The following C12orf42 variants were observed in gnomAD, a reference collection of about 807,000 sequenced individuals.
C12orf42 encodes chromosome 12 open reading frame 42, also known as uncharacterized protein C12orf42.
In C12orf42, 25 loss-of-function variants were observed where a neutral mutation model predicts 21.6. The ratio of observed to expected loss-of-function variants is 1.16; its 90% CI spans 0.84 to 1.62. The LOEUF (loss-of-function observed/expected upper bound fraction) is 1.62, where lower values mean the gene tolerates loss of function less well. Ranked by LOEUF, C12orf42 falls within the 40% of genes most tolerant of loss-of-function variation. The pLI, the probability that C12orf42 is intolerant of heterozygous loss-of-function variation, is 0.00. For missense variants in C12orf42, 483 were observed against 459.3 expected (o/e 1.05, Z -0.47); for synonymous variants, 174 against 175.0 (o/e 0.99, Z 0.05).
At chr12:103,562,967 G>A in the C12orf42 span, among the ~76,000 whole-genome samples, 1 of 152,194 alleles carries the variant, frequency 6.6e-6, no homozygotes, top group Non-Finnish European at 1.5e-5. Context: ...CTTCTGTGAA[G>A]CTACTTAAAA....
chr12:103,448,236 C>G (rs1951703120), intron 2 of C12orf42, among the ~76,000 whole-genome samples: 1 of 151,878 alleles, frequency 6.6e-6, no homozygotes, highest in South Asian at 2.1e-4. Flanking sequence ...AATTGGCAAG[C>G]CACATATAGA....
the C12orf42 span, among the ~76,000 whole-genome samples, chr12:103,538,741 C>G: frequency 6.6e-6 from 1 of 152,192 alleles, no homozygotes; most frequent in South Asian, 2.1e-4. Flanking sequence ...CTCCCACACC[C>G]AACCCTTCCA....
chr12:103,061,166 G>A, the C12orf42 span, among the ~76,000 whole-genome samples: 2 of 152,082 alleles, frequency 1.3e-5, no homozygotes, highest in Non-Finnish European at 2.9e-5. Flanking sequence ...GGTGGAGGTA[G>A]GAGTGTCTCA....
intron 2 of C12orf42, among the ~76,000 whole-genome samples, chr12:103,475,581 A>G (rs969576557): frequency 2.0e-5 from 3 of 152,200 alleles, no homozygotes; most frequent in African/African-American, 7.2e-5. Flanking sequence ...TGCTGTTCCT[A>G]TCATTGCAGC....
intron 3 of C12orf42, among the ~76,000 whole-genome samples, chr12:103,374,087 T>C (rs896371522): frequency 6.6e-6 from 1 of 152,162 alleles, no homozygotes; most frequent in Admixed American, 6.5e-5. Flanking sequence ...TGGAGACAAA[T>C]GATGTGTGTG....
At chr12:103,425,763 G>T (rs1450390396) in intron 2 of C12orf42, among the ~76,000 whole-genome samples, 5 of 151,746 alleles carry the variant, frequency 3.3e-5, no homozygotes. Context: ...ATAAGCCCCT[G>T]ACTGGAGCTT....
the C12orf42 span, among the ~76,000 whole-genome samples, chr12:103,524,964 G>T: frequency 1.2e-3 from 173 of 149,958 alleles, 1 homozygote; most frequent in African/African-American, 3.9e-3. Flanking sequence ...AGTTTTTTTG[G>T]GGGGGGGGCA....
intron 2 of C12orf42, among the ~76,000 whole-genome samples, chr12:103,418,441 T>C (rs2049562038): frequency 6.6e-6 from 1 of 152,212 alleles, no homozygotes; most frequent in Non-Finnish European, 1.5e-5. Context: ...AAATAGAGTG[T>C]TTGTAAAATA....
At chr12:103,222,221 G>T in the C12orf42 span, among the ~76,000 whole-genome samples, 1 of 152,060 alleles carries the variant, frequency 6.6e-6, no homozygotes, top group East Asian at 1.9e-4. Flanking sequence ...GAGAGTCAGC[G>T]AAGGGAGATA....
chr12:103,391,470 A>G (rs2047073892), intron 3 of C12orf42, among the ~76,000 whole-genome samples: 1 of 152,128 alleles, frequency 6.6e-6, no homozygotes, highest in African/African-American at 2.4e-5. Flanking sequence ...TATGATGGGT[A>G]TAAAGTGATA....
At chr12:103,482,315 T>C (rs1165289968) in intron 1 of C12orf42, among the ~76,000 whole-genome samples, 1 of 152,124 alleles carries the variant, frequency 6.6e-6, no homozygotes, top group Non-Finnish European at 1.5e-5. Context: ...ATAGTTTTGC[T>C]GGGTGTGCAG....
At chr12:103,272,520 A>G (rs567722836) in intron 5 of C12orf42, among the ~76,000 whole-genome samples, 1 of 152,284 alleles carries the variant, frequency 6.6e-6, no homozygotes, top group East Asian at 1.9e-4. Flanking sequence ...GCCCCTCATG[A>G]GAAACTGTTT....
chr12:103,525,553 AACCCCTGAGG>A, the C12orf42 span, among the ~76,000 whole-genome samples: 1 of 152,156 alleles, frequency 6.6e-6, no homozygotes, highest in African/African-American at 2.4e-5. Flanking sequence ...TCATCATAGC[AACCCCTGAGG>A]TAAAATATTA....
chr12:103,164,161 T>C, the C12orf42 span, among the ~76,000 whole-genome samples: 2 of 152,204 alleles, frequency 1.3e-5, no homozygotes, highest in Non-Finnish European at 1.5e-5. Flanking sequence ...TGAACACTAA[T>C]GTATGGTACT....
At chr12:103,217,635 A>G in the C12orf42 span, among the ~76,000 whole-genome samples, 1 of 151,978 alleles carries the variant, frequency 6.6e-6, no homozygotes, top group Non-Finnish European at 1.5e-5. Flanking sequence ...ACATCTCCCC[A>G]TGCTGTGCCG....
chr12:103,068,931 CCACA>C, the C12orf42 span, among the ~76,000 whole-genome samples: 317 of 46,990 alleles, frequency 6.7e-3, 3 homozygotes, highest in Middle Eastern at 0.012. Context: ...ATCTCTCTCT[CCACA>C]TATATATATA....
At chr12:103,089,372 A>G in the C12orf42 span, among the ~76,000 whole-genome samples, 2 of 152,178 alleles carry the variant, frequency 1.3e-5, no homozygotes, top group African/African-American at 2.4e-5. Context: ...AGCAACAGCT[A>G]ACTAATACAG....
intron 10 of C12orf42, among the ~76,000 whole-genome samples, chr12:103,260,547 A>G (rs778579902): frequency 1.3e-5 from 2 of 152,250 alleles, no homozygotes; most frequent in Non-Finnish European, 2.9e-5. Context: ...AAACTAGGAT[A>G]TGCTAACTAG....
chr12:103,188,279 C>G, the C12orf42 span, among the ~76,000 whole-genome samples: 5 of 151,774 alleles, frequency 3.3e-5, no homozygotes, highest in Non-Finnish European at 7.4e-5. Flanking sequence ...TTCTTTCTTT[C>G]TTTCTTTTTT....
Sources: gnomAD v4.1 joint callset for allele counts (sites outside exome capture counted in the v4.1 genomes callset) on GRCh38, gnomAD v4.1.1 for gene constraint, MANE v1.5 for transcripts, NCBI Gene and HGNC (gene_info 2026-07-23, HGNC 2026-07-21) for gene names.